Variants in BTBD9 observed in about 807,000 individuals in gnomAD.
BTBD9 encodes BTB/POZ domain-containing protein 9.
In BTBD9, 49 loss-of-function variants were observed where a neutral mutation model predicts 64.3. The ratio of observed to expected loss-of-function variants is 0.76; its 90% CI spans 0.61 to 0.97. BTBD9 has a LOEUF of 0.97. BTBD9 is among the 50% of genes least tolerant of loss of function. BTBD9 has a pLI of 0.00. For missense variants in BTBD9, 598 were observed against 762.1 expected (o/e 0.78, Z 2.53); for synonymous variants, 260 against 274.7 (o/e 0.95, Z 0.53).
chr6:38,328,154 C>A (rs907145746), intron 7 of BTBD9, among the ~76,000 whole-genome samples: 1 of 152,098 alleles, frequency 6.6e-6, no homozygotes, highest in Admixed American at 6.5e-5. Flanking sequence ...GTAATAAAAA[C>A]CCAATAATCT....
intron 9 of BTBD9, among the ~76,000 whole-genome samples, chr6:38,220,233 A>G (rs1582069970): frequency 6.6e-6 from 1 of 152,338 alleles, no homozygotes; most frequent in Non-Finnish European, 1.5e-5. Context: ...GTGGGTCTGC[A>G]ATACTGACGT....
intron 1 of BTBD9, among the ~76,000 whole-genome samples, chr6:38,625,140 C>G (rs1190327268): frequency 2.0e-5 from 3 of 152,082 alleles, no homozygotes; most frequent in African/African-American, 7.2e-5. Context: ...CATTTCCCAA[C>G]TCACATTTTT....
At chr6:38,302,695 T>C (rs1254385501) in intron 7 of BTBD9, among the ~76,000 whole-genome samples, 1 of 151,772 alleles carries the variant, frequency 6.6e-6, no homozygotes, top group Non-Finnish European at 1.5e-5. Context: ...TGGTAGTTTA[T>C]TTTTAGTTTT....
intron 6 of BTBD9, among the ~76,000 whole-genome samples, chr6:38,438,929 G>GA (rs1423452140): frequency 8.6e-5 from 13 of 152,038 alleles, no homozygotes; most frequent in Non-Finnish European, 1.8e-4. Flanking sequence ...GATATCTGAA[G>GA]AAAAAAGCTG....
chr6:38,250,698 G>A (rs1764360735), intron 9 of BTBD9, among the ~76,000 whole-genome samples: 1 of 152,212 alleles, frequency 6.6e-6, no homozygotes. Flanking sequence ...TGGGAAAAAT[G>A]AGGGAAATGT....
intron 9 of BTBD9, among the ~76,000 whole-genome samples, chr6:38,238,935 C>T (rs1763892897): frequency 1.3e-5 from 2 of 152,152 alleles, no homozygotes; most frequent in African/African-American, 4.8e-5. Flanking sequence ...ACATGTCCGA[C>T]CCCTGCTTCC....
chr6:38,231,118 G>A (rs1763591562), intron 9 of BTBD9, among the ~76,000 whole-genome samples: 1 of 152,200 alleles, frequency 6.6e-6, no homozygotes, highest in South Asian at 2.1e-4. Flanking sequence ...AGAATTGGGA[G>A]AAATCAAATA....
At chr6:38,183,799 C>T (rs992831634) in intron 10 of BTBD9, among the ~76,000 whole-genome samples, 1 of 152,152 alleles carries the variant, frequency 6.6e-6, no homozygotes, top group African/African-American at 2.4e-5. Flanking sequence ...TTCAGTTATT[C>T]CTTCATCTGG....
At chr6:38,264,220 G>T (rs1184761778) in intron 8 of BTBD9, among the ~76,000 whole-genome samples, 1 of 152,140 alleles carries the variant, frequency 6.6e-6, no homozygotes, top group East Asian at 1.9e-4. Context: ...GTGGCACTGG[G>T]GAAGCAGGGC....
chr6:38,390,364 C>T (rs762314937), intron 6 of BTBD9, among the ~76,000 whole-genome samples: 18 of 152,130 alleles, frequency 1.2e-4, no homozygotes, highest in Admixed American at 5.2e-4. Flanking sequence ...GGATTATAGG[C>T]ATGAGCTACC....
At chr6:38,565,329 A>G (rs1376453207) in intron 6 of BTBD9, among the ~76,000 whole-genome samples, 2 of 152,192 alleles carry the variant, frequency 1.3e-5, no homozygotes, top group East Asian at 1.9e-4. Flanking sequence ...GTTTAACAGC[A>G]TCTGTGGTTT....
intron 6 of BTBD9, among the ~76,000 whole-genome samples, chr6:38,397,970 T>A (rs1171373530): frequency 6.6e-6 from 1 of 152,082 alleles, no homozygotes; most frequent in Admixed American, 6.6e-5. Flanking sequence ...GAATATATAA[T>A]AGAGTAGAAG....
chr6:38,587,226 G>A lies in BTBD9; in HGVS notation c.814+5350C>T, dbSNP rs556969394. On this transcript the variant is annotated intron_variant, in intron 4 of 10. Transcript: ENST00000481247. The stretch of plus-strand genomic sequence containing the variant: ...CACCCCAGCCTGGCGGCCTGACATC[G>A]GCCCAGTCAGTGGAGACCTGTGGAG... 4.6e-4 allele frequency: 101 copies of A among 221,774 alleles called. 2 individuals carry two copies. The South Asian group carries it at 6.7e-3, about 15-fold the overall frequency. The allele number at this position is 221,774 out of a possible 1,614,324, so 13.7% of individuals were successfully genotyped here. A position where few individuals can be genotyped will look rare whatever the true frequency, so the allele number is the denominator to read the frequency against.
chr6:38,607,049 T>C (rs768094819), intron 1 of BTBD9, among the ~76,000 whole-genome samples: 28 of 152,306 alleles, frequency 1.8e-4, no homozygotes, highest in Middle Eastern at 6.8e-3. Flanking sequence ...AGGTAAAATA[T>C]GCAAGGGTGA....
chr6:38,234,546 G>C (rs1763716160), intron 9 of BTBD9, among the ~76,000 whole-genome samples: 1 of 152,194 alleles, frequency 6.6e-6, no homozygotes, highest in African/African-American at 2.4e-5. Flanking sequence ...AGAAACTTTA[G>C]AAGTAAATCC....
chr6:38,214,213 C>T, intron 9 of BTBD9, among the ~76,000 whole-genome samples: 1 of 152,178 alleles, frequency 6.6e-6, no homozygotes, highest in South Asian at 2.1e-4. Context: ...ACTCTCTGGC[C>T]CCTCCCTCAG....
chr6:38,626,220 G>A (rs1778162695), intron 1 of BTBD9, among the ~76,000 whole-genome samples: 1 of 152,178 alleles, frequency 6.6e-6, no homozygotes, highest in South Asian at 2.1e-4. Context: ...TACATGAGAT[G>A]TTTTGATACC....
intron 6 of BTBD9, among the ~76,000 whole-genome samples, chr6:38,454,802 T>TA (rs374754349): frequency 0.074 from 10,071 of 135,566 alleles, 471 homozygotes; most frequent in Middle Eastern, 0.17. Context: ...CTCTGTCTCT[T>TA]AAAAAAAAAA....
At position 38,487,592 on chromosome 6, in the gene BTBD9, CGAGAGAGA is replaced by C. The variant is rs70981555; in HGVS notation, c.1154+90000_1154+90007del. 1.2e-3 allele frequency among the ~76,000 whole-genome samples: 144 copies of C among 122,818 alleles called. 1 individual carries two copies. The Middle Eastern group carries it at 0.012, about 10-fold the overall frequency. 80.6% of individuals were successfully genotyped at this position (122,818 alleles called of 152,430 possible). ...GCGAGAGAGACAGAGAGAGAGTCAGCGAGAGAGAGAGAGAGAGAGAGAGAGAGAGAGAA... is the reference window on the plus strand; with the variant it reads ...GCGAGAGAGACAGAGAGAGAGTCAGCGAGAGAGAGAGAGAGAGAGAGAGAA... On this transcript the variant is annotated intron_variant, in intron 6 of 10. Transcript: ENST00000481247.
Sources: gnomAD v4.1 joint callset for allele counts (sites outside exome capture counted in the v4.1 genomes callset) on GRCh38, gnomAD v4.1.1 for gene constraint, MANE v1.5 for transcripts, NCBI Gene and HGNC (gene_info 2026-07-23, HGNC 2026-07-21) for gene names.